Variants in ZNF595 observed in about 807,000 individuals in gnomAD.
The protein encoded by ZNF595 is zinc finger protein 595.
Under a neutral mutation model 19.4 loss-of-function variants are expected in ZNF595, and 9 were observed. The ratio of observed to expected loss-of-function variants is 0.46; its 90% CI spans 0.28 to 0.81. The LOEUF (loss-of-function observed/expected upper bound fraction) is 0.81, where lower values mean the gene tolerates loss of function less well. ZNF595 is among the 30% of genes least tolerant of loss of function. The probability of loss-of-function intolerance (pLI) is 0.11; values close to 1 mark genes in which losing one functional copy is unlikely to be tolerated. For missense variants in ZNF595, 729 were observed against 736.0 expected (o/e 0.99, Z 0.11); for synonymous variants, 255 against 255.9 (o/e 1.00, Z 0.03).
intron 3 of ZNF595, among the ~76,000 whole-genome samples, chr4:70,315 T>C (rs1324646733): frequency 2.6e-5 from 4 of 152,028 alleles, no homozygotes; most frequent in Non-Finnish European, 5.9e-5. Flanking sequence ...TATTGAGTTT[T>C]TGTAGCACTT....
intron 3 of ZNF595, among the ~76,000 whole-genome samples, chr4:80,524 T>C (rs1713860507): frequency 6.6e-6 from 1 of 152,062 alleles, no homozygotes; most frequent in African/African-American, 2.4e-5. Flanking sequence ...CAGTAAAGCT[T>C]TTTAATCACC....
At position 85,777 on chromosome 4, in the gene ZNF595, A is replaced by G; in HGVS notation, c.273A>G (p.Ile91Met). The stretch of plus-strand genomic sequence containing the variant: ...AAGACCTTTCACCAGTGCAGGGGAT[A>G]GAAGATTCATTCCACAAACTTATAC... ...FSQDLSPVQG[I>M]EDSFHKLILK... Residue 91 changes from isoleucine (I) to methionine (M), a missense_variant, in exon 4 of 4, where the codon ATA becomes ATG. Around this residue, in one of 2 missense-constraint regions of ZNF595, gnomAD observed 729 missense variants for 675.3 expected, o/e 1.08. Transcript: ENST00000610261. 1.9e-6 allele frequency: 3 copies of G among 1,611,880 alleles called. No homozygotes were observed. The highest frequency in any genetic ancestry group is 2.2e-5 in the East Asian group (1 of 44,828).
chr4:63,220 T>A (rs1712920062), intron 3 of ZNF595, among the ~76,000 whole-genome samples: 1 of 144,198 alleles, frequency 6.9e-6, no homozygotes, highest in African/African-American at 2.7e-5. Flanking sequence ...CCATGACCTT[T>A]AAGTAAAGTT....
At chr4:66,551 T>A (rs1183324464) in intron 3 of ZNF595, among the ~76,000 whole-genome samples, 3 of 151,304 alleles carry the variant, frequency 2.0e-5, no homozygotes, top group African/African-American at 7.3e-5. Flanking sequence ...TTCCTATATT[T>A]TCTTCTAAAG....
At chr4:79,111 C>A (rs1713796795) in intron 3 of ZNF595, among the ~76,000 whole-genome samples, 1 of 152,118 alleles carries the variant, frequency 6.6e-6, no homozygotes, top group African/African-American at 2.4e-5. Context: ...CAATAAGTTG[C>A]CCTTTTTTTC....
At chr4:81,188 A>G (rs1713893644) in intron 3 of ZNF595, among the ~76,000 whole-genome samples, 1 of 152,228 alleles carries the variant, frequency 6.6e-6, no homozygotes, top group African/African-American at 2.4e-5. Context: ...CTGCAAGAGC[A>G]GAAAACTTAG....
rs782348766 is a variant in ZNF595, at chr4:86,759, A to G, written c.1255A>G (p.Thr419Ala). ...CCTTGCTAAACATAAGAGAATTCATACTGGAGAGAAACCCTACACGTGCGA... is the reference window on the plus strand; with the variant it reads ...CCTTGCTAAACATAAGAGAATTCATGCTGGAGAGAAACCCTACACGTGCGA... ...SHLAKHKRIH[T>A]GEKPYTCEEC... is the part of the protein sequence containing the mutation. The change falls in exon 4 of 4, where the codon ACT (threonine) becomes GCT (alanine). Residue 419 changes from threonine (T) to alanine (A), a missense_variant. Thr to Ala is a moderately conservative substitution (Grantham distance 58, BLOSUM62 0). Transcript: ENST00000610261. 5.0e-6 allele frequency: 8 copies of G among 1,613,738 alleles called. No individual in the cohort carries two copies. The highest frequency in any genetic ancestry group is 6.8e-6 in the Non-Finnish European group (8 of 1,179,852).
chr4:60,975 C>A (rs1198256776), intron 3 of ZNF595, among the ~76,000 whole-genome samples: 1 of 147,254 alleles, frequency 6.8e-6, no homozygotes, highest in Non-Finnish European at 1.5e-5. Context: ...TTGGGACACA[C>A]TTAAAATTAT....
rs782168531 is a variant in ZNF595 at position 86,778 on chromosome 4, C to T, written c.1274C>T (p.Thr425Met). 2.0e-5 allele frequency: 33 copies of T among 1,610,466 alleles called. No individual in the cohort carries two copies. The highest frequency in any genetic ancestry group is 6.7e-5 in the East Asian group (3 of 44,670). Residue 425 changes from threonine (T) to methionine (M), a missense_variant, in exon 4 of 4, where the codon ACG becomes ATG. Transcript: ENST00000610261. ...ATTCATACTGGAGAGAAACCCTACA[C>T]GTGCGAAGAATGTGGCAAAGCTTTT... ...KRIHTGEKPY[T>M]CEECGKAFNQ...
At chr4:73,977 GTTGGTGTTCAGCAAACTCCATATAT>G (rs1350487545) in intron 3 of ZNF595, among the ~76,000 whole-genome samples, 2 of 152,040 alleles carry the variant, frequency 1.3e-5, no homozygotes, top group Non-Finnish European at 2.9e-5. Context: ...TAGAAGTTTG[GTTGGTGTTCAGCAAACTCCATATAT>G]TTGGTGTTAG....
chr4:86,143 A>G lies in ZNF595; in HGVS notation c.639A>G (p.Thr213=), dbSNP rs1553801297. 3 of 1,613,786 alleles carry G rather than the reference A, an allele frequency of 1.9e-6. No homozygotes were observed. Among genetic ancestry groups the G allele is most frequent in the South Asian group, 1.1e-5 (1 of 91,070 alleles). The change falls in exon 4 of 4, where the codon ACA becomes ACG. Residue 213 remains threonine (T), a synonymous_variant. Transcript: ENST00000610261. ...EKCGKAFNRS[T]SLSKHKRIHT... ...GTGGCAAAGCCTTTAATAGGTCCAC[A>G]TCACTTAGTAAACATAAGAGAATTC...
chr4:86,830 CAA>C lies in ZNF595; in HGVS notation c.1327_1328del (p.Lys443GlufsTer12). On this transcript the variant is annotated frameshift_variant, in exon 4 of 4. Coordinates refer to ENST00000610261, the MANE Select transcript of ZNF595 (RefSeq NM_182524.4). LOFTEE classifies it high-confidence loss of function. The stretch of plus-strand genomic sequence containing the variant: ...ACCAATCCTCAACTCTTATATTACA[CAA>C]GAGAATCCATTCTGGGCAAAAACCT... Reference protein sequence around the residue: ...FNQSSTLILHKRIHSGQKPYK... With the variant: ...FNQSSTLILHXRIHSGQKPYK... 1 of 1,613,244 alleles carries C rather than the reference CAA, an allele frequency of 6.2e-7. No homozygotes were observed. The highest frequency in any genetic ancestry group is 1.3e-5 in the African/African-American group (1 of 74,788).
At chr4:60,476 A>G (rs1286506946) in intron 3 of ZNF595, 13 of 446,206 alleles carry the variant, frequency 2.9e-5, no homozygotes, top group African/African-American at 2.4e-4. Context: ...GAGGACCTCT[A>G]TGTTAAAGTA....
At chr4:72,066 C>T (rs1425121143) in intron 3 of ZNF595, among the ~76,000 whole-genome samples, 1 of 152,134 alleles carries the variant, frequency 6.6e-6, no homozygotes, top group African/African-American at 2.4e-5. Context: ...CCATTCCGGC[C>T]AGTACTGCCA....
At position 87,395 on chromosome 4, in the gene ZNF595, C is replaced by T. The variant is rs537704335; in HGVS notation, c.1891C>T (p.Arg631Trp). 6.2e-6 allele frequency: 10 copies of T among 1,612,160 alleles called. No homozygotes were observed. Among genetic ancestry groups the T allele is most frequent in the Non-Finnish European group, 8.5e-6 (10 of 1,179,060 alleles). ...KCEECGKAFN[R>W]PSTLTVHKRI... ...TGAAGAATGTGGCAAAGCTTTTAAT[C>T]GGCCCTCAACCCTTACTGTACACAA... The change falls in exon 4 of 4, where the codon CGG becomes TGG. Residue 631 changes from arginine to tryptophan, a missense_variant. Arg to Trp is a moderately radical substitution (Grantham distance 101). This residue lies in a region of ZNF595 where 729 missense variants were observed against 675.3 expected (regional missense o/e 1.08). Coordinates refer to ENST00000610261, the MANE Select transcript of ZNF595 (RefSeq NM_182524.4).
At position 87,285 on chromosome 4, in the gene ZNF595, G is replaced by T. The variant is rs781850863; in HGVS notation, c.1781G>T (p.Cys594Phe). The change falls in exon 4 of 4, where the codon TGT becomes TTT. Residue 594 changes from cysteine to phenylalanine, a missense_variant. By Grantham distance (205) the Cys-to-Phe change is radical. This residue lies in a region of ZNF595 where 729 missense variants were observed against 675.3 expected (regional missense o/e 1.08). Coordinates refer to ENST00000610261, the MANE Select transcript of ZNF595 (RefSeq NM_182524.4). ...RIHTGEKPFT[C>F]EECGKAFNWS... ...CATACTGGAGAGAAACCCTTCACAT[G>T]TGAAGAATGTGGCAAAGCCTTCAAT... 3 of 1,613,620 alleles carry T rather than the reference G, an allele frequency of 1.9e-6. No homozygotes were observed. In the Admixed American group the frequency reaches 5.0e-5, roughly 27 times the overall value.
intron 3 of ZNF595, among the ~76,000 whole-genome samples, chr4:72,708 GC>G (rs1406196662): frequency 6.6e-6 from 1 of 150,486 alleles, no homozygotes; most frequent in Non-Finnish European, 1.5e-5. Flanking sequence ...AAATGTAAGT[GC>G]CTTCCAATTT....
chr4:80,830 A>C (rs1713876868), intron 3 of ZNF595, among the ~76,000 whole-genome samples: 1 of 152,150 alleles, frequency 6.6e-6, no homozygotes, highest in Admixed American at 6.5e-5. Context: ...CAGAGGCCTG[A>C]CAATTTAAGT....
At chr4:65,164 C>A (rs1442955096) in intron 3 of ZNF595, among the ~76,000 whole-genome samples, 5 of 142,326 alleles carry the variant, frequency 3.5e-5, no homozygotes, top group African/African-American at 1.3e-4. Context: ...AGCTCGGTGC[C>A]CCATTTCCTT....
Sources: gnomAD v4.1 joint callset for allele counts (sites outside exome capture counted in the v4.1 genomes callset) on GRCh38, gnomAD v4.1.1 for gene constraint, gnomAD v4.1.1 regional missense constraint, MANE v1.5 for transcripts, NCBI Gene and HGNC (gene_info 2026-07-23, HGNC 2026-07-21) for gene names.